HELZ: variants seen among roughly 807,000 people sequenced by gnomAD.
HELZ encodes helicase with zinc finger, also known as ATP-dependent RNA helicase with zinc finger domain.
A neutral mutation model predicts 218.2 loss-of-function variants in HELZ; 23 were observed. The ratio of observed to expected loss-of-function variants is 0.11; its 90% CI spans 0.08 to 0.15. HELZ has a LOEUF of 0.15. Among genes scored for constraint, HELZ ranks in the 10% least tolerant of loss-of-function variants. The pLI is 1.00. For synonymous variants in HELZ, 814 were observed against 829.4 expected, an observed-to-expected ratio of 0.98 and a Z score of 0.32; for missense variants, 1,813 against 2,353.7, an observed-to-expected ratio of 0.77 and a Z score of 4.75.
intron 23 of HELZ, among the ~76,000 whole-genome samples, chr17:67,133,147 GTTTT>G (rs200930673): frequency 1.2e-4 from 18 of 150,900 alleles, no homozygotes; most frequent in African/African-American, 4.4e-4. Flanking sequence ...TGAAATGTAT[GTTTT>G]TTTTTCACTC....
chr17:67,173,026 T>C, intron 13 of HELZ: 1 of 980,734 alleles, frequency 1.0e-6, no homozygotes, highest in Non-Finnish European at 1.2e-6. Context: ...AAGAGAATCC[T>C]CTTGTGACAT....
At chr17:67,232,238 G>C (rs908031495) in intron 3 of HELZ, among the ~76,000 whole-genome samples, 3 of 151,796 alleles carry the variant, frequency 2.0e-5, no homozygotes, top group Admixed American at 6.6e-5. Context: ...CCGCCTCCCA[G>C]GTTCAAGCGA....
chr17:67,109,705 C>G lies in HELZ; in HGVS notation c.3919-19G>C, dbSNP rs760787065. 4.5e-6 allele frequency: 7 copies of G among 1,560,432 alleles called. No individual in the cohort carries two copies. The Admixed American group carries it at 1.1e-4, about 24-fold the overall frequency. ...AATCAACCTAGAAAAAAAGAAGAAG[C>G]CTTTTTTAACTGCAGAAGATTCAAA... On this transcript the variant is annotated intron_variant, in intron 28 of 32. Transcript: ENST00000358691.
At chr17:67,156,386 C>A (rs2038843231) in intron 17 of HELZ, among the ~76,000 whole-genome samples, 2 of 152,068 alleles carry the variant, frequency 1.3e-5, no homozygotes, top group African/African-American at 4.8e-5. Context: ...CCAGCCACTG[C>A]CCAACCTCTC....
intron 6 of HELZ, among the ~76,000 whole-genome samples, chr17:67,202,888 C>A (rs1270079573): frequency 1.3e-5 from 2 of 151,964 alleles, no homozygotes; most frequent in African/African-American, 4.8e-5. Context: ...CTTTGGGAGG[C>A]CAAGGAGGGA....
At chr17:67,082,993 A>T (rs1170563959) in intron 32 of HELZ, among the ~76,000 whole-genome samples, 1 of 151,466 alleles carries the variant, frequency 6.6e-6, no homozygotes, top group East Asian at 2.0e-4. Context: ...AGTAGCTGGG[A>T]TTACAGGCAT....
intron 15 of HELZ, among the ~76,000 whole-genome samples, chr17:67,163,483 C>T (rs1179278212): frequency 6.6e-6 from 1 of 152,092 alleles, no homozygotes; most frequent in Non-Finnish European, 1.5e-5. Flanking sequence ...ACTGCAAGCT[C>T]TGCCTCCAGG....
In HELZ at chr17:67,086,831, A is replaced by C. The variant is rs1661580519; in HGVS notation, c.5492T>G (p.Ile1831Arg). ...TTTAGCCACCAACTCTGTCTTACCT[A>C]TCAACTCTCTGGGCTGAGCTGTCCT... ...SSRTAQPREL[I>R]APPKTVKPPE... The change falls in exon 32 of 33, where the codon ATA becomes AGA. Residue 1831 changes from isoleucine (I) to arginine (R), a missense_variant and splice_region_variant. By Grantham distance (97) the Ile-to-Arg change is moderately conservative (BLOSUM62 -3). Coordinates refer to ENST00000358691, the MANE Select transcript of HELZ (RefSeq NM_014877.4). 6.8e-6 allele frequency: 11 copies of C among 1,613,476 alleles called. No homozygotes were observed. Among genetic ancestry groups the C allele is most frequent in the Non-Finnish European group, 9.3e-6 (11 of 1,179,878 alleles).
In HELZ at chr17:67,211,295, T is replaced by C. The variant is rs985856779; in HGVS notation, c.247+4604A>G. The stretch of plus-strand genomic sequence containing the variant: ...GTAAATTTGATTATGGACTGGACTT[T>C]AGATAGGTTAGGGAATTATTAGAGA... On this transcript the variant is annotated intron_variant, in intron 5 of 32. Transcript: ENST00000358691. Among the ~76,000 whole-genome samples, 6 of 152,306 alleles carry C rather than the reference T, an allele frequency of 3.9e-5. No individual in the cohort carries two copies. In the South Asian group the frequency reaches 1.0e-3, roughly 26 times the overall value.
At chr17:67,245,930 C>CTGGGAGCGTCCGGGCTGCGGACTG (rs1432906939), upstream of HELZ, 1 of 152,176 alleles carries the variant, frequency 6.6e-6, no homozygotes, top group East Asian at 1.9e-4. Context: ...CGGAGCCACC[C>CTGGGAGCGTCCGGGCTGCGGACTG]TGGGAGCGTC....
chr17:67,164,452 C>T (rs187975695), intron 15 of HELZ, among the ~76,000 whole-genome samples: 178 of 152,088 alleles, frequency 1.2e-3, no homozygotes, highest in Non-Finnish European at 2.0e-3. Context: ...GGCAAGGCTG[C>T]AGGAAGGGGG....
chr17:67,195,541 T>C, intron 7 of HELZ, 71 bp from the exon 8 acceptor site: 1 of 841,298 alleles, frequency 1.2e-6, no homozygotes, highest in Non-Finnish European at 2.0e-6. Flanking sequence ...TTGAACATTT[T>C]CAATATTAAA....
At chr17:67,140,024 C>A (rs1215515980) in intron 21 of HELZ, among the ~76,000 whole-genome samples, 3 of 152,202 alleles carry the variant, frequency 2.0e-5, no homozygotes, top group Admixed American at 6.5e-5. Context: ...ATGGCCTTGG[C>A]AGCCCATTGA....
intron 3 of HELZ, chr17:67,224,801 A>C (rs547743977): frequency 2.0e-4 from 233 of 1,172,414 alleles, no homozygotes; most frequent in Non-Finnish European, 2.7e-4. Context: ...AAAACGACAC[A>C]GTACAAGGGC....
At position 67,136,161 on chromosome 17, in the gene HELZ, A is replaced by G; in HGVS notation, c.2991T>C (p.Arg997=). The change falls in exon 23 of 33, where the codon CGT becomes CGC. Residue 997 remains arginine, a synonymous_variant. Coordinates refer to ENST00000358691, the MANE Select transcript of HELZ (RefSeq NM_014877.4). The part of the protein sequence containing the change: ...QFRVLFLSTV[R]TRHTCKHKQT... ...GTTTATGTTTACAAGTATGTCTTGT[A>G]CGTACTGTGCTAAGAAACAAAACTC... 1 of 1,613,988 alleles carries G rather than the reference A, an allele frequency of 6.2e-7. No homozygotes were observed. Among genetic ancestry groups the G allele is most frequent in the Non-Finnish European group, 8.5e-7 (1 of 1,179,884 alleles).
intron 24 of HELZ, among the ~76,000 whole-genome samples, chr17:67,127,447 G>A (rs1022782293): frequency 6.6e-6 from 1 of 152,234 alleles, no homozygotes; most frequent in Admixed American, 6.5e-5. Context: ...ATTAAACTAA[G>A]AATATACAAC....
chr17:67,176,952 T>C (rs1184687447), intron 13 of HELZ, among the ~76,000 whole-genome samples: 2 of 151,850 alleles, frequency 1.3e-5, no homozygotes, highest in East Asian at 1.9e-4. Context: ...AAGGTACTCA[T>C]AGAGTGCACT....
intron 27 of HELZ, among the ~76,000 whole-genome samples, chr17:67,114,632 G>A (rs1042222030): frequency 6.6e-6 from 1 of 152,150 alleles, no homozygotes; most frequent in Non-Finnish European, 1.5e-5. Context: ...AGCCTAATAA[G>A]GGAAAAACCT....
intron 5 of HELZ, among the ~76,000 whole-genome samples, chr17:67,211,150 C>CAA (rs1167071800): frequency 1.3e-5 from 2 of 152,176 alleles, no homozygotes; most frequent in Non-Finnish European, 2.9e-5. Flanking sequence ...AGTCCTCACT[C>CAA]AGAGTATGTT....
Sources: allele counts gnomAD v4.1 joint callset (sites outside exome capture counted in the v4.1 genomes callset), GRCh38; gene constraint gnomAD v4.1.1; transcripts MANE v1.5; gene names NCBI Gene and HGNC (gene_info 2026-07-23, HGNC 2026-07-21).